SMOC2: variants seen among roughly 807,000 people sequenced by gnomAD.
SMOC2 encodes the protein SPARC-related modular calcium-binding protein 2.
SMOC2 carries 39 observed loss-of-function variants against 61.4 expected under a neutral mutation model. That is an observed-to-expected ratio of 0.64 (90% CI 0.49 to 0.83). The LOEUF (loss-of-function observed/expected upper bound fraction) is 0.83. Ranked by LOEUF, SMOC2 falls within the 40% of genes least tolerant of loss-of-function variation. The pLI is 0.00. For synonymous variants in SMOC2, 247 were observed against 239.9 expected, an observed-to-expected ratio of 1.03 and a Z score of -0.27; for missense variants, 556 against 592.9, an observed-to-expected ratio of 0.94 and a Z score of 0.65.
chr6:168,469,467 G>GTT (rs1367726337), intron 1 of SMOC2, among the ~76,000 whole-genome samples: 2 of 152,204 alleles, frequency 1.3e-5, no homozygotes, highest in African/African-American at 2.4e-5. Flanking sequence ...GACTTGGTTG[G>GTT]TTGAACTTCA....
rs144317852 is a variant in SMOC2 at position 168,511,811 on chromosome 6, G to GTTTTTTTTTTTTTTTTTTTTTTTTTT, written c.256+1727_256+1728insTTTTTTTTTTTTTTTTTTTTTTTTTT. On this transcript the variant is annotated intron_variant, in intron 2 of 12. Transcript: ENST00000356284. ...GACAAATGGCTATTCATTATCAAGG[G>GTTTTTTTTTTTTTTTTTTTTTTTTTT]TTGTTTTTTTTTTTTTTTCTGAAAT... Among the ~76,000 whole-genome samples, 3 of 130,734 alleles carry GTTTTTTTTTTTTTTTTTTTTTTTTTT rather than the reference G, an allele frequency of 2.3e-5. 1 individual carries two copies. Among genetic ancestry groups the GTTTTTTTTTTTTTTTTTTTTTTTTTT allele is most frequent in the Admixed American group, 1.6e-4 (2 of 12,466 alleles). The allele number at this position is 130,734 out of a possible 152,430, so 85.8% of individuals were successfully genotyped here.
chr6:168,448,759 A>T (rs142131438), intron 1 of SMOC2, among the ~76,000 whole-genome samples: 23 of 152,322 alleles, frequency 1.5e-4, no homozygotes, highest in East Asian at 5.8e-4. Context: ...TTTTAAAGTA[A>T]AGTACTAATT....
chr6:168,564,402 T>C (rs899358125), intron 7 of SMOC2, among the ~76,000 whole-genome samples: 2 of 152,202 alleles, frequency 1.3e-5, no homozygotes, highest in Non-Finnish European at 2.9e-5. Context: ...ATACTGCATA[T>C]GAAATATAAC....
In SMOC2 at chr6:168,663,223, G is replaced by A. The variant is rs148408947; in HGVS notation, c.1286-851G>A. Among the ~76,000 whole-genome samples, 151 of 152,308 alleles carry A rather than the reference G, an allele frequency of 9.9e-4. 2 individuals carry two copies. In the East Asian group the frequency reaches 0.015, roughly 15 times the overall value. On this transcript the variant is annotated intron_variant, in intron 11 of 12. Transcript: ENST00000356284. ...CAGAGGTTTCCATGGAGATGCAAGC[G>A]TGGAAGCTGAGCTGAGAGCAGGAAG...
At chr6:168,456,493 T>C (rs1244450536) in intron 1 of SMOC2, among the ~76,000 whole-genome samples, 1 of 152,176 alleles carries the variant, frequency 6.6e-6, no homozygotes, top group Admixed American at 6.5e-5. Context: ...TGCGAGACCC[T>C]CACGGCACCC....
chr6:168,472,065 A>T (rs1781977115), intron 1 of SMOC2, among the ~76,000 whole-genome samples: 1 of 152,192 alleles, frequency 6.6e-6, no homozygotes, highest in African/African-American at 2.4e-5. Flanking sequence ...AGTCCAGTTT[A>T]TCCATTTTTC....
At chr6:168,657,497 C>G (rs1787356212) in intron 11 of SMOC2, among the ~76,000 whole-genome samples, 1 of 152,206 alleles carries the variant, frequency 6.6e-6, no homozygotes, top group Non-Finnish European at 1.5e-5. Flanking sequence ...GTGATTTCCC[C>G]CTTGCTTTTC....
chr6:168,639,156 C>T (rs1325058493), intron 9 of SMOC2, among the ~76,000 whole-genome samples: 6 of 152,142 alleles, frequency 3.9e-5, no homozygotes, highest in African/African-American at 1.4e-4. Flanking sequence ...CATACTCTGG[C>T]GTCTCAGTCA....
intron 9 of SMOC2, among the ~76,000 whole-genome samples, chr6:168,618,841 G>A (rs1424079719): frequency 6.6e-6 from 1 of 152,164 alleles, no homozygotes; most frequent in Non-Finnish European, 1.5e-5. Context: ...TCCGGTCTGG[G>A]AGAGACAGCG....
chr6:168,517,102 G>C (rs985912837), intron 2 of SMOC2, among the ~76,000 whole-genome samples: 1 of 152,242 alleles, frequency 6.6e-6, no homozygotes, highest in African/African-American at 2.4e-5. Context: ...GCTCATCCAA[G>C]TTCGCTGTGC....
intron 7 of SMOC2, among the ~76,000 whole-genome samples, chr6:168,562,570 T>C (rs1347103819): frequency 6.6e-6 from 1 of 152,194 alleles, no homozygotes. Flanking sequence ...TCTTTACATA[T>C]GAAAAAATGC....
chr6:168,564,778 G>A (rs1036543637), intron 7 of SMOC2, among the ~76,000 whole-genome samples: 1 of 152,280 alleles, frequency 6.6e-6, no homozygotes, highest in Admixed American at 6.5e-5. Flanking sequence ...ACGGGCAGCC[G>A]CTGCCACCCA....
At chr6:168,495,406 C>T (rs73272967) in intron 1 of SMOC2, among the ~76,000 whole-genome samples, 3,477 of 152,306 alleles carry the variant, frequency 0.023, 124 homozygotes, top group African/African-American at 0.08. Flanking sequence ...CCGCTGGGGT[C>T]GCTTCCAGAG....
At chr6:168,441,505 G>C in intron 1 of SMOC2, 51 bp downstream of exon 1, 2 of 1,449,074 alleles carry the variant, frequency 1.4e-6, no homozygotes, top group Non-Finnish European at 1.8e-6. Flanking sequence ...GCCTCTTGCA[G>C]CCGGCCGGGT....
chr6:168,476,156 AGTTGGGAAATAC>A (rs1782077968), intron 1 of SMOC2, among the ~76,000 whole-genome samples: 2 of 152,188 alleles, frequency 1.3e-5, no homozygotes, highest in Admixed American at 6.5e-5. Flanking sequence ...GTGCAGAGGC[AGTTGGGAAATAC>A]ATGAGAGTCT....
At chr6:168,661,097 C>T (rs893812938) in intron 11 of SMOC2, among the ~76,000 whole-genome samples, 7 of 139,954 alleles carry the variant, frequency 5.0e-5, no homozygotes, top group African/African-American at 1.9e-4. Flanking sequence ...TTTTGCAGCC[C>T]TTTCATTTTC....
intron 11 of SMOC2, among the ~76,000 whole-genome samples, chr6:168,662,911 G>A (rs1477278919): frequency 1.3e-5 from 2 of 152,196 alleles, no homozygotes; most frequent in African/African-American, 4.8e-5. Context: ...TCCTGAGGAT[G>A]GAATACGTCA....
intron 10 of SMOC2, among the ~76,000 whole-genome samples, chr6:168,652,735 C>A (rs1787227045): frequency 6.6e-6 from 1 of 152,172 alleles, no homozygotes; most frequent in Non-Finnish European, 1.5e-5. Context: ...AAATTCACTG[C>A]ATCATTTACA....
In SMOC2 at chr6:168,493,634, A is replaced by C. The variant is rs1041329979; in HGVS notation, c.85-16281A>C. On this transcript the variant is annotated intron_variant, in intron 1 of 12. Coordinates refer to ENST00000356284, the MANE Select transcript of SMOC2 (RefSeq NM_001166412.2). ...GATCTGGCTGTCTAATAGTATTGCA[A>C]CTTAAAATTATATTAATTTGATATA... 5.9e-5 allele frequency among the ~76,000 whole-genome samples: 9 copies of C among 152,234 alleles called. No homozygotes were observed. The South Asian group carries it at 1.9e-3, about 32-fold the overall frequency.
Sources: gnomAD v4.1 joint callset for allele counts (sites outside exome capture counted in the v4.1 genomes callset) on GRCh38, gnomAD v4.1.1 for gene constraint, MANE v1.5 for transcripts, NCBI Gene and HGNC (gene_info 2026-07-23, HGNC 2026-07-21) for gene names.